TRIM36: variants seen among roughly 807,000 people sequenced by gnomAD.
TRIM36 encodes E3 ubiquitin-protein ligase TRIM36.
TRIM36 carries 42 observed loss-of-function variants against 72.4 expected under a neutral mutation model. That is an observed-to-expected ratio of 0.58 (90% confidence interval 0.45 to 0.75). The LOEUF (loss-of-function observed/expected upper bound fraction) is 0.75, where lower values mean the gene tolerates loss of function less well. TRIM36 is among the 30% of genes least tolerant of loss of function. TRIM36 has a pLI of 0.00. For missense variants in TRIM36, 913 were observed against 857.1 expected, an observed-to-expected ratio of 1.07 and a Z score of -0.81; for synonymous variants, 315 against 282.8, an observed-to-expected ratio of 1.11 and a Z score of -1.14.
At chr5:115,169,413 G>T (rs1030695732) in intron 1 of TRIM36, among the ~76,000 whole-genome samples, 195 bp downstream of exon 1, 1 of 152,254 alleles carries the variant, frequency 6.6e-6, no homozygotes, top group Admixed American at 6.5e-5. Flanking sequence ...CGGCTCTCGG[G>T]GATAGAAAGG....
Position 115,134,655 on chromosome 5 carries a change from C to T in TRIM36, c.1211-508G>A, listed in dbSNP as rs188205911. Among the ~76,000 whole-genome samples the T allele has an allele frequency of 1.7e-3, 261 of 152,214 alleles. 1 individual carries two copies. The highest frequency in any genetic ancestry group is 5.9e-3 in the African/African-American group (246 of 41,548). On this transcript the variant is annotated intron_variant, in intron 7 of 9. Transcript: ENST00000513154. The stretch of plus-strand genomic sequence containing the variant: ...TCCCAGGTTCAAGTGATTCTCCCGC[C>T]TCAGCCTCCCAAGTAGCTGGGATTA...
chr5:115,146,485 G>C (rs959749440), intron 3 of TRIM36, among the ~76,000 whole-genome samples: 1 of 152,048 alleles, frequency 6.6e-6, no homozygotes, highest in Non-Finnish European at 1.5e-5. Flanking sequence ...GCACACAGCA[G>C]GGCAAACAAT....
intron 2 of TRIM36, among the ~76,000 whole-genome samples, chr5:115,150,892 G>A (rs1226150687): frequency 6.6e-6 from 1 of 152,222 alleles, no homozygotes; most frequent in African/African-American, 2.4e-5. Context: ...GAAGCTCACT[G>A]GGCCCCCATC....
rs1359944189 is a variant in TRIM36 at position 115,169,670 on chromosome 5, C to G, written c.-36G>C. The G allele has an allele frequency of 6.6e-7, 1 of 1,516,540 alleles. No homozygotes were observed. The highest frequency in any genetic ancestry group is 2.5e-5 in the East Asian group (1 of 39,778). 93.9% of individuals were successfully genotyped at this position (1,516,540 alleles called of 1,614,324 possible). Reference sequence around the variant, plus strand: ...TGCCAGGTGTCATCAGCGGCACGTTCCACTCACACCGGCTACCGAGCGCAG... The same window carrying G: ...TGCCAGGTGTCATCAGCGGCACGTTGCACTCACACCGGCTACCGAGCGCAG... On this transcript the variant is annotated 5_prime_UTR_variant, in exon 1 of 10. Transcript: ENST00000513154.
chr5:115,133,045 G>A (rs1319170584), intron 8 of TRIM36, among the ~76,000 whole-genome samples: 4 of 152,154 alleles, frequency 2.6e-5, no homozygotes, highest in Non-Finnish European at 5.9e-5. Context: ...AAGGAAGAAA[G>A]GGGAGAGTGA....
intron 7 of TRIM36, among the ~76,000 whole-genome samples, chr5:115,136,777 AT>A (rs1323481715): frequency 1.3e-5 from 2 of 152,248 alleles, no homozygotes; most frequent in Non-Finnish European, 2.9e-5. Context: ...ACATAATGCT[AT>A]TTATGCAATG....
intron 3 of TRIM36, among the ~76,000 whole-genome samples, chr5:115,145,781 C>T (rs1753559298): frequency 1.3e-5 from 2 of 152,178 alleles, no homozygotes; most frequent in Non-Finnish European, 2.9e-5. Context: ...AGGAGAAAAA[C>T]AACTGGAAAA....
intron 2 of TRIM36, chr5:115,148,653 C>G (rs1753724470): frequency 6.6e-6 from 1 of 152,214 alleles, no homozygotes; most frequent in Non-Finnish European, 1.5e-5. Flanking sequence ...TCGTGATCCA[C>G]CTGTCTTGGC....
intron 2 of TRIM36, among the ~76,000 whole-genome samples, chr5:115,153,355 T>C (rs77836850): frequency 0.063 from 8,387 of 133,330 alleles, 292 homozygotes; most frequent in African/African-American, 0.095. Flanking sequence ...TAAACATATA[T>C]ATACCTAACA....
At chr5:115,171,214 A>C (rs1163010675), upstream of TRIM36, 3 of 1,614,188 alleles carry the variant, frequency 1.9e-6, no homozygotes, top group East Asian at 4.5e-5. Flanking sequence ...CTCGTCTCCA[A>C]TCCGGCATCT....
At chr5:115,171,638 G>A (rs1288283981), upstream of TRIM36, among the ~76,000 whole-genome samples, 4 of 152,228 alleles carry the variant, frequency 2.6e-5, no homozygotes, top group African/African-American at 4.8e-5. Flanking sequence ...TGATTAGAAG[G>A]CTCCATTAAC....
chr5:115,143,067 C>T (rs1329412270), intron 4 of TRIM36, among the ~76,000 whole-genome samples: 1 of 151,920 alleles, frequency 6.6e-6, no homozygotes, highest in Admixed American at 6.6e-5. Flanking sequence ...TCCAGAGACA[C>T]AAACAGTCTC....
chr5:115,130,724 G>A lies in TRIM36; in HGVS notation c.1664C>T (p.Thr555Ile), dbSNP rs1344019998. The A allele has an allele frequency of 1.2e-6, 2 of 1,614,106 alleles. No homozygotes were observed. Among genetic ancestry groups the A allele is most frequent in the Admixed American group, 1.7e-5 (1 of 60,020 alleles). Residue 555 changes from threonine (T) to isoleucine (I), a missense_variant, in exon 9 of 10, where the codon ACT (threonine) becomes ATT (isoleucine). Coordinates refer to ENST00000513154, the MANE Select transcript of TRIM36 (RefSeq NM_001300759.2). ...GAAGTGTTTTCCTTTTGTAATGCCA[G>A]TATCTCCAATGATGTAGTCTAAGCT... ...YTSLDYIIGDTGITKGKHFWA... is the reference protein window; with the variant it reads ...YTSLDYIIGDIGITKGKHFWA...
intron 9 of TRIM36, among the ~76,000 whole-genome samples, chr5:115,128,972 A>T (rs970986726): frequency 6.6e-5 from 10 of 152,036 alleles, no homozygotes; most frequent in African/African-American, 2.4e-4. Context: ...ATTCATGGTA[A>T]GTACCCTATA....
upstream of TRIM36, among the ~76,000 whole-genome samples, chr5:115,173,857 C>T (rs1054532112): frequency 1.6e-4 from 25 of 152,270 alleles, no homozygotes; most frequent in African/African-American, 5.5e-4. Flanking sequence ...TCTTATCCCC[C>T]TAAGTCCACA....
At chr5:115,159,327 A>C (rs1754351225) in intron 2 of TRIM36, among the ~76,000 whole-genome samples, 1 of 152,216 alleles carries the variant, frequency 6.6e-6, no homozygotes, top group Admixed American at 6.5e-5. Flanking sequence ...TTGTTCACTA[A>C]GTAAATGTAA....
At chr5:115,129,932 T>C (rs1018731724) in intron 9 of TRIM36, among the ~76,000 whole-genome samples, 4 of 152,240 alleles carry the variant, frequency 2.6e-5, no homozygotes, top group Admixed American at 6.5e-5. Flanking sequence ...ATACTAATTT[T>C]CTATCAAGTG....
At chr5:115,149,830 C>CT (rs1753794443) in intron 2 of TRIM36, among the ~76,000 whole-genome samples, 1 of 151,924 alleles carries the variant, frequency 6.6e-6, no homozygotes, top group Non-Finnish European at 1.5e-5. Flanking sequence ...GCGATCTCGG[C>CT]TCACTGCAAG....
intron 1 of TRIM36, among the ~76,000 whole-genome samples, chr5:115,168,012 T>C (rs1422067737): frequency 6.6e-6 from 1 of 152,182 alleles, no homozygotes; most frequent in African/African-American, 2.4e-5. Context: ...CAGAGAATAC[T>C]GCCTTATAAA....
Sources: gnomAD v4.1 joint callset for allele counts (sites outside exome capture counted in the v4.1 genomes callset) on GRCh38, gnomAD v4.1.1 for gene constraint, MANE v1.5 for transcripts, NCBI Gene and HGNC (gene_info 2026-07-23, HGNC 2026-07-21) for gene names.